The following AKIRIN2 variants were observed in gnomAD, a reference collection of about 807,000 sequenced individuals.
AKIRIN2 encodes the protein akirin 2.
Under a neutral mutation model 29.3 loss-of-function variants are expected in AKIRIN2, and 6 were observed. The ratio of observed to expected loss-of-function variants is 0.20; its 90% CI spans 0.11 to 0.40. AKIRIN2 has a LOEUF of 0.40. Ranked by LOEUF, AKIRIN2 falls within the 10% of genes least tolerant of loss-of-function variation. AKIRIN2 has a pLI of 1.00. For missense variants in AKIRIN2, 210 were observed against 276.1 expected (o/e 0.76, Z 1.70); for synonymous variants, 128 against 117.5 (o/e 1.09, Z -0.58).
At chr6:87,686,140 G>A (rs183239542) in intron 1 of AKIRIN2, among the ~76,000 whole-genome samples, 3 of 152,134 alleles carry the variant, frequency 2.0e-5, no homozygotes, top group East Asian at 1.9e-4. Context: ...GCTTGAACCC[G>A]GGAGGAAGAG....
At chr6:87,677,187 T>C (rs1288300420) in intron 3 of AKIRIN2, among the ~76,000 whole-genome samples, 3 of 151,936 alleles carry the variant, frequency 2.0e-5, no homozygotes, top group Non-Finnish European at 2.9e-5. Context: ...GCAATGAGAA[T>C]AGGATAACAA....
chr6:87,687,931 G>C (rs1000657954), intron 1 of AKIRIN2, among the ~76,000 whole-genome samples: 3 of 152,256 alleles, frequency 2.0e-5, no homozygotes, highest in East Asian at 1.9e-4. Context: ...AGTTGGAGAC[G>C]AGCCTGAGCA....
rs565690756 is a variant in AKIRIN2 at position 87,681,293 on chromosome 6, C to A, written c.379+327G>T. 1.1e-4 allele frequency among the ~76,000 whole-genome samples: 16 copies of A among 152,234 alleles called. No individual in the cohort carries two copies. The South Asian group carries it at 2.3e-3, about 22-fold the overall frequency. On this transcript the variant is annotated intron_variant, in intron 2 of 4. Transcript: ENST00000257787. ...CCTCAAGTGACCTGTCTACCTCGCT[C>A]GGCCTCCCCAAGTGCTGGGATTACA... is the stretch of plus-strand genomic sequence containing the variant.
intron 1 of AKIRIN2, among the ~76,000 whole-genome samples, chr6:87,687,664 T>G (rs750321316): frequency 1.3e-5 from 2 of 152,180 alleles, no homozygotes; most frequent in Admixed American, 1.3e-4. Context: ...CTGGTACATA[T>G]AGCCAATGAT....
intron 1 of AKIRIN2, among the ~76,000 whole-genome samples, chr6:87,691,008 G>A (rs1771269448): frequency 6.6e-6 from 1 of 151,978 alleles, no homozygotes; most frequent in African/African-American, 2.4e-5. Context: ...CACACCATAA[G>A]ACACTCATTA....
chr6:87,675,691 C>T (rs985488373), intron 4 of AKIRIN2, 84 bp from the exon 5 acceptor site: 2 of 1,566,440 alleles, frequency 1.3e-6, no homozygotes. Context: ...AATTTTGCCC[C>T]TAGGTATTTA....
rs1401658070 is a variant in AKIRIN2, at chr6:87,701,622, G to C, written c.63C>G (p.Ser21=). The change falls in exon 1 of 5, where the codon TCC becomes TCG. Residue 21 remains serine (S), a synonymous_variant. Transcript: ENST00000257787. ...LDFDPLLSPA[S]PKRRRCAPLS... is the part of the protein sequence containing the mutation. ...ATGGCGCACATCGCCTGCGCTTCGG[G>C]GACGCCGGGCTCAACAGCGGGTCGA... The C allele has an allele frequency of 1.9e-5, 27 of 1,458,262 alleles. No homozygotes were observed. Among genetic ancestry groups the C allele is most frequent in the African/African-American group, 4.5e-5 (3 of 66,966 alleles). The allele number at this position is 1,458,262 out of a possible 1,614,324, so 90.3% of individuals were successfully genotyped here. A position where few individuals can be genotyped will look rare whatever the true frequency, so the allele number is the denominator to read the frequency against.
At chr6:87,688,484 G>A (rs535190150) in intron 1 of AKIRIN2, among the ~76,000 whole-genome samples, 36 of 152,112 alleles carry the variant, frequency 2.4e-4, no homozygotes, top group African/African-American at 7.5e-4. Flanking sequence ...AGTGGCTCAC[G>A]CCTGTAATCC....
chr6:87,694,060 C>T (rs1184029158), intron 1 of AKIRIN2, among the ~76,000 whole-genome samples: 1 of 152,176 alleles, frequency 6.6e-6, no homozygotes, highest in East Asian at 1.9e-4. Flanking sequence ...ACATTCTACT[C>T]TTCATTTACT....
At position 87,701,538 on chromosome 6, in the gene AKIRIN2, G is replaced by C. The variant is rs1330156595; in HGVS notation, c.147C>G (p.Ala49=). ...SPLSAAAATA[A]SFSAAAASPQ... ...GCGAGGCGGCCGCAGCGGAGAAGGAGGCGGCGGTGGCCGCGGCCGCCGACA... is the reference window on the plus strand; with the variant it reads ...GCGAGGCGGCCGCAGCGGAGAAGGACGCGGCGGTGGCCGCGGCCGCCGACA... Residue 49 remains alanine, a synonymous_variant, in exon 1 of 5, where the codon GCC becomes GCG. Coordinates refer to ENST00000257787, the MANE Select transcript of AKIRIN2 (RefSeq NM_018064.4). 1 of 1,423,790 alleles carries C rather than the reference G, an allele frequency of 7.0e-7. No individual in the cohort carries two copies. Among genetic ancestry groups the C allele is most frequent in the Non-Finnish European group, 9.2e-7 (1 of 1,088,712 alleles). 88.2% of individuals were successfully genotyped at this position (1,423,790 alleles called of 1,614,324 possible).
At chr6:87,677,667 T>C (rs977045089) in intron 3 of AKIRIN2, 151 bp downstream of exon 3, 1 of 909,000 alleles carries the variant, frequency 1.1e-6, no homozygotes, top group African/African-American at 1.7e-5. Flanking sequence ...GCATGAGCTA[T>C]AAGAAGGTTA....
At chr6:87,692,519 A>C (rs1007774024) in intron 1 of AKIRIN2, among the ~76,000 whole-genome samples, 12 of 152,244 alleles carry the variant, frequency 7.9e-5, no homozygotes, top group Non-Finnish European at 1.6e-4. Context: ...ATGTTAAAAT[A>C]AATCACAATG....
chr6:87,683,234 T>C (rs1771143825), intron 1 of AKIRIN2, among the ~76,000 whole-genome samples: 1 of 152,224 alleles, frequency 6.6e-6, no homozygotes, highest in South Asian at 2.1e-4. Context: ...CATACACGAA[T>C]GTGCAGTTTA....
At chr6:87,676,659 A>G (rs1018596953) in intron 3 of AKIRIN2, among the ~76,000 whole-genome samples, 6 of 150,646 alleles carry the variant, frequency 4.0e-5, no homozygotes, top group African/African-American at 1.5e-4. Context: ...ACACACCTGT[A>G]GTCCCAGCTA....
intron 1 of AKIRIN2, among the ~76,000 whole-genome samples, chr6:87,691,367 G>A (rs1771275494): frequency 6.7e-6 from 1 of 149,560 alleles, no homozygotes; most frequent in Non-Finnish European, 1.5e-5. Flanking sequence ...CTTGAACCCA[G>A]GAGGCAGAGG....
chr6:87,688,037 TAG>T (rs1413122392), intron 1 of AKIRIN2, among the ~76,000 whole-genome samples: 1 of 151,960 alleles, frequency 6.6e-6, no homozygotes, highest in African/African-American at 2.4e-5. Flanking sequence ...CAAAATGAGG[TAG>T]AAAGATAGTT....
chr6:87,693,712 G>A (rs951082904), intron 1 of AKIRIN2, among the ~76,000 whole-genome samples: 8 of 143,362 alleles, frequency 5.6e-5, no homozygotes, highest in African/African-American at 2.2e-4. Context: ...GCGACAGACT[G>A]TGACTCTGTC....
intron 1 of AKIRIN2, among the ~76,000 whole-genome samples, chr6:87,690,391 GGTTT>G (rs1473759295): frequency 6.6e-6 from 1 of 152,160 alleles, no homozygotes; most frequent in Non-Finnish European, 1.5e-5. Flanking sequence ...TCACCTGAAT[GGTTT>G]TTGCAGTTGT....
At chr6:87,687,493 T>C (rs950010295) in intron 1 of AKIRIN2, among the ~76,000 whole-genome samples, 2 of 150,962 alleles carry the variant, frequency 1.3e-5, no homozygotes, top group Non-Finnish European at 2.9e-5. Context: ...CCCATCTTTA[T>C]TAATTGGCTA....
Sources: allele counts gnomAD v4.1 joint callset (sites outside exome capture counted in the v4.1 genomes callset), GRCh38; gene constraint gnomAD v4.1.1; transcripts MANE v1.5; gene names NCBI Gene and HGNC (gene_info 2026-07-23, HGNC 2026-07-21).